LMBR1: variants seen among roughly 807,000 people sequenced by gnomAD.
LMBR1 encodes the protein limb development membrane protein 1.
LMBR1 carries 52 observed loss-of-function variants against 73.9 expected under a neutral mutation model. The ratio of observed to expected loss-of-function variants is 0.70; its 90% confidence interval spans 0.56 to 0.89. LMBR1 has a LOEUF of 0.89. LMBR1 is among the 40% of genes least tolerant of loss of function. The probability of loss-of-function intolerance (pLI) is 0.00; values close to 1 mark genes in which losing one functional copy is unlikely to be tolerated. For missense variants in LMBR1, 539 were observed against 579.8 expected (o/e 0.93, Z 0.72); for synonymous variants, 215 against 209.4 (o/e 1.03, Z -0.23).
At chr7:156,797,815 A>C (rs1193541462) in intron 4 of LMBR1, among the ~76,000 whole-genome samples, 2 of 152,254 alleles carry the variant, frequency 1.3e-5, no homozygotes, top group Non-Finnish European at 2.9e-5. Context: ...ATCTACATGG[A>C]TTTAACAAAT....
chr7:156,864,633 C>A (rs534838444), intron 1 of LMBR1, among the ~76,000 whole-genome samples: 9 of 152,286 alleles, frequency 5.9e-5, no homozygotes, highest in African/African-American at 2.2e-4. Flanking sequence ...CTAATTTGTG[C>A]TCTAGAAATG....
At position 156,783,435 on chromosome 7, in the gene LMBR1, T is replaced by C. The variant is rs149633715; in HGVS notation, c.423+12954A>G. On this transcript the variant is annotated intron_variant, in intron 5 of 16. Coordinates refer to ENST00000353442, the MANE Select transcript of LMBR1 (RefSeq NM_022458.4). ...CTCCTGCGATTCTCCCACCTCAGCC[T>C]CCCAAAGTGCTGGGATTATAGGCAT... Among the ~76,000 whole-genome samples, 28 of 152,234 alleles carry C rather than the reference T, an allele frequency of 1.8e-4. No individual in the cohort carries two copies. In the East Asian group the frequency reaches 5.4e-3, roughly 29 times the overall value.
intron 4 of LMBR1, among the ~76,000 whole-genome samples, chr7:156,805,799 CAGTGTG>C (rs1831945710): frequency 6.6e-6 from 1 of 152,168 alleles, no homozygotes; most frequent in Admixed American, 6.5e-5. Flanking sequence ...CCCTAATCCT[CAGTGTG>C]ATGGTCGTTA....
chr7:156,859,182 A>T (rs962851941), intron 1 of LMBR1, among the ~76,000 whole-genome samples: 3 of 150,892 alleles, frequency 2.0e-5, no homozygotes, highest in African/African-American at 7.3e-5. Flanking sequence ...CAGGAGGTGG[A>T]GGTTGCAGTG....
intron 13 of LMBR1, 61 bp downstream of exon 13, chr7:156,725,703 C>G: frequency 6.9e-7 from 1 of 1,456,492 alleles, no homozygotes; most frequent in African/African-American, 1.4e-5. Flanking sequence ...ATAACTACTG[C>G]CCCAGAAAAC....
At chr7:156,676,571 G>A, downstream of LMBR1, 1 of 1,614,202 alleles carries the variant, frequency 6.2e-7, no homozygotes, top group Non-Finnish European at 8.5e-7. Context: ...TGGCACTAGA[G>A]GAGTTCTCCG....
intron 1 of LMBR1, among the ~76,000 whole-genome samples, chr7:156,848,451 T>C (rs1795802401): frequency 6.6e-6 from 1 of 152,174 alleles, no homozygotes; most frequent in South Asian, 2.1e-4. Flanking sequence ...GCATTATTAA[T>C]CATTAGAGAA....
At chr7:156,676,644 C>A (rs199567420), downstream of LMBR1, 2 of 1,613,150 alleles carry the variant, frequency 1.2e-6, no homozygotes, top group Non-Finnish European at 1.7e-6. Flanking sequence ...GAAGAAGATT[C>A]TTGAATGTTG....
At chr7:156,738,585 G>C (rs971708815) in intron 9 of LMBR1, among the ~76,000 whole-genome samples, 2 of 152,224 alleles carry the variant, frequency 1.3e-5, no homozygotes, top group South Asian at 4.1e-4. Context: ...TGCTCGAAGA[G>C]AGGAAAGTAA....
chr7:156,840,822 G>A (rs1031475025), intron 1 of LMBR1, among the ~76,000 whole-genome samples: 6 of 151,494 alleles, frequency 4.0e-5, no homozygotes, highest in Admixed American at 1.3e-4. Flanking sequence ...AAAATTAGCC[G>A]GGCGTCGTGG....
intron 5 of LMBR1, among the ~76,000 whole-genome samples, chr7:156,781,359 C>T (rs962742393): frequency 5.9e-5 from 9 of 152,046 alleles, no homozygotes; most frequent in South Asian, 2.1e-4. Context: ...TGAAAGCTTC[C>T]GGCTTCCTGC....
At chr7:156,835,098 C>T (rs1586119925) in intron 2 of LMBR1, among the ~76,000 whole-genome samples, 1 of 152,090 alleles carries the variant, frequency 6.6e-6, no homozygotes, top group African/African-American at 2.4e-5. Flanking sequence ...CGAGATCACG[C>T]CACTGCACTC....
chr7:156,676,927 T>C (rs987256268), downstream of LMBR1: 2 of 393,612 alleles, frequency 5.1e-6, no homozygotes, highest in African/African-American at 2.0e-5. Context: ...TTCTAAAAAT[T>C]GAGGTTAAGA....
intron 5 of LMBR1, among the ~76,000 whole-genome samples, chr7:156,772,926 T>A (rs747657333): frequency 6.6e-6 from 1 of 152,126 alleles, no homozygotes; most frequent in Non-Finnish European, 1.5e-5. Flanking sequence ...AAATTATCTC[T>A]GTTTGCAGAT....
chr7:156,671,160 T>C (rs539844419), intron 4 of LMBR1, among the ~76,000 whole-genome samples: 4 of 152,202 alleles, frequency 2.6e-5, no homozygotes, highest in Non-Finnish European at 4.4e-5. Flanking sequence ...ATAGAAAACT[T>C]TAATTGAAAA....
At chr7:156,873,096 A>C (rs997176962) in intron 1 of LMBR1, among the ~76,000 whole-genome samples, 2 of 151,944 alleles carry the variant, frequency 1.3e-5, no homozygotes, top group Non-Finnish European at 2.9e-5. Context: ...GGTCTCACTG[A>C]CTTCAAGAAT....
At chr7:156,672,972 C>A (rs892025064), downstream of LMBR1, among the ~76,000 whole-genome samples, 1 of 152,238 alleles carries the variant, frequency 6.6e-6, no homozygotes, top group South Asian at 2.1e-4. Flanking sequence ...GGGCTCACCC[C>A]GCGGACTGTG....
chr7:156,862,419 G>T (rs889817319), intron 1 of LMBR1, among the ~76,000 whole-genome samples: 2 of 151,396 alleles, frequency 1.3e-5, no homozygotes, highest in Admixed American at 1.3e-4. Flanking sequence ...TTTGGTGGGG[G>T]ACACAGCCAA....
intron 5 of LMBR1, among the ~76,000 whole-genome samples, chr7:156,772,899 T>C (rs969430601): frequency 6.6e-6 from 1 of 151,892 alleles, no homozygotes; most frequent in Admixed American, 6.6e-5. Flanking sequence ...GAGGCATTCA[T>C]ATAGGAAGAG....
Sources: gnomAD v4.1 joint callset for allele counts (sites outside exome capture counted in the v4.1 genomes callset) on GRCh38, gnomAD v4.1.1 for gene constraint, MANE v1.5 for transcripts, NCBI Gene and HGNC (gene_info 2026-07-23, HGNC 2026-07-21) for gene names.